The following MEIS1 variants were observed in gnomAD, a reference collection of about 807,000 sequenced individuals.
MEIS1 encodes Meis homeobox 1.
MEIS1 carries 5 observed loss-of-function variants against 50.8 expected under a neutral mutation model. The observed-to-expected ratio is 0.10, with a 90% CI of 0.05 to 0.21. MEIS1 has a LOEUF of 0.21. MEIS1 is among the 10% of genes least tolerant of loss of function. The pLI is 1.00. For missense variants in MEIS1, 318 were observed against 517.3 expected (o/e 0.61, Z 3.74); for synonymous variants, 176 against 179.3 (o/e 0.98, Z 0.15).
At chr2:66,552,083 T>C (rs1674935947) in intron 9 of MEIS1, among the ~76,000 whole-genome samples, 5 of 151,918 alleles carry the variant, frequency 3.3e-5, no homozygotes, top group Admixed American at 3.3e-4. Flanking sequence ...TTTTTTCTCC[T>C]GAATAGACCA....
chr2:66,452,642 C>A (rs1401005412), intron 6 of MEIS1, among the ~76,000 whole-genome samples: 3 of 151,874 alleles, frequency 2.0e-5, no homozygotes, highest in African/African-American at 7.2e-5. Context: ...TTAATATGTT[C>A]AAGAAAAAGA....
intron 7 of MEIS1, among the ~76,000 whole-genome samples, chr2:66,466,007 GT>G (rs1177778527): frequency 2.0e-5 from 3 of 151,886 alleles, no homozygotes; most frequent in Admixed American, 1.3e-4. Context: ...TTCTTTTTAT[GT>G]TTTATATTTG....
At chr2:66,471,030 C>T (rs72895105) in intron 7 of MEIS1, among the ~76,000 whole-genome samples, 24,101 of 152,108 alleles carry the variant, frequency 0.16, 4,574 homozygotes, top group African/African-American at 0.45. Flanking sequence ...TTCTTGATCA[C>T]TTTTAGAACA....
chr2:66,456,627 C>T (rs1182680229), intron 6 of MEIS1, among the ~76,000 whole-genome samples: 1 of 152,150 alleles, frequency 6.6e-6, no homozygotes, highest in African/African-American at 2.4e-5. Flanking sequence ...CATTTTATCA[C>T]AGCATTAAAA....
At chr2:66,478,421 T>C (rs150094441) in intron 7 of MEIS1, among the ~76,000 whole-genome samples, 17 of 152,320 alleles carry the variant, frequency 1.1e-4, no homozygotes, top group African/African-American at 4.1e-4. Context: ...ATATTTCAAA[T>C]GGAGGCTGTA....
At chr2:66,485,314 C>G (rs1289453699) in intron 7 of MEIS1, among the ~76,000 whole-genome samples, 2 of 152,096 alleles carry the variant, frequency 1.3e-5, no homozygotes, top group African/African-American at 4.8e-5. Context: ...CCCATATGTT[C>G]TCATTGTTCA....
At chr2:66,463,396 A>G (rs1672564660) in intron 6 of MEIS1, among the ~76,000 whole-genome samples, 1 of 152,122 alleles carries the variant, frequency 6.6e-6, no homozygotes, top group African/African-American at 2.4e-5. Flanking sequence ...AGGTGTCGCC[A>G]TGATTGTTTT....
At chr2:66,536,020 G>A (rs1674509315) in intron 8 of MEIS1, among the ~76,000 whole-genome samples, 1 of 152,106 alleles carries the variant, frequency 6.6e-6, no homozygotes, top group Non-Finnish European at 1.5e-5. Flanking sequence ...TTCAGATCTG[G>A]GTGCTCTGCT....
At chr2:66,480,574 G>C (rs940141707) in intron 7 of MEIS1, among the ~76,000 whole-genome samples, 6 of 152,156 alleles carry the variant, frequency 3.9e-5, no homozygotes, top group African/African-American at 1.4e-4. Context: ...AAAAAGATTT[G>C]ATCTTTTTGT....
Position 66,573,190 on chromosome 2 carries a change from T to C in MEIS1, c.*1982T>C, listed in dbSNP as rs1410305034. ...TTATAAATATGCTCTATGTTCTCAT[T>C]GGATAAAACTGGTTATTAACCAATT... On this transcript the variant is annotated 3_prime_UTR_variant, in exon 13 of 13. Coordinates refer to ENST00000272369, the MANE Select transcript of MEIS1 (RefSeq NM_002398.3). 6.6e-6 allele frequency: 1 copy of C among 152,206 alleles called. No individual in the cohort carries two copies. The highest frequency in any genetic ancestry group is 1.5e-5 in the Non-Finnish European group (1 of 68,038). 9.4% of individuals were successfully genotyped at this position (152,206 alleles called of 1,614,324 possible).
chr2:66,477,574 A>G (rs910607641), intron 7 of MEIS1, among the ~76,000 whole-genome samples: 4 of 152,182 alleles, frequency 2.6e-5, no homozygotes, highest in African/African-American at 9.7e-5. Context: ...TTTCCCTCAA[A>G]GAAGGCTCCG....
chr2:66,496,320 C>G (rs1251295439), intron 7 of MEIS1: 1 of 152,114 alleles, frequency 6.6e-6, no homozygotes, highest in African/African-American at 2.4e-5. Flanking sequence ...TTTGTGTTTC[C>G]GTATGCCTCC....
intron 9 of MEIS1, among the ~76,000 whole-genome samples, chr2:66,558,537 A>G (rs1354744583): frequency 6.6e-6 from 1 of 152,176 alleles, no homozygotes; most frequent in Admixed American, 6.5e-5. Flanking sequence ...ATTGACATAT[A>G]TTATTACATA....
chr2:66,545,776 A>G (rs1674775791), intron 8 of MEIS1, among the ~76,000 whole-genome samples: 1 of 152,226 alleles, frequency 6.6e-6, no homozygotes, highest in Non-Finnish European at 1.5e-5. Context: ...AATGGCTGGC[A>G]TTCTGTTGAG....
chr2:66,492,635 T>C (rs1192595517), intron 7 of MEIS1, among the ~76,000 whole-genome samples: 1 of 152,192 alleles, frequency 6.6e-6, no homozygotes. Context: ...GAGTTGAGTA[T>C]TCAGCTTGTT....
Position 66,501,063 on chromosome 2 carries a change from G to C in MEIS1, c.743-11086G>C, listed in dbSNP as rs111397575. 2.2e-3 allele frequency among the ~76,000 whole-genome samples: 339 copies of C among 152,114 alleles called. 5 individuals are homozygous for C. The highest frequency in any genetic ancestry group is 8.0e-3 in the African/African-American group (331 of 41,522). ...TTTCCTAAAATGATCTATTTTTGTG[G>C]TTATGTAGGAGTTTATGACCATTCA... is the stretch of plus-strand genomic sequence containing the variant. On this transcript the variant is annotated intron_variant, in intron 7 of 12. Coordinates refer to ENST00000272369, the MANE Select transcript of MEIS1 (RefSeq NM_002398.3).
intron 8 of MEIS1, among the ~76,000 whole-genome samples, chr2:66,527,677 CT>C (rs1674289543): frequency 6.7e-6 from 1 of 149,402 alleles, no homozygotes; most frequent in Non-Finnish European, 1.5e-5. Flanking sequence ...GCATTAGGGC[CT>C]TTATCTATGA....
At chr2:66,443,098 G>T in intron 6 of MEIS1, 50 bp downstream of exon 6, 1 of 1,539,348 alleles carries the variant, frequency 6.5e-7, no homozygotes, top group Non-Finnish European at 8.7e-7. Flanking sequence ...AAATCTGTAT[G>T]CATATTGCTT....
At chr2:66,436,354 A>G (rs1422006801) in intron 1 of MEIS1, among the ~76,000 whole-genome samples, 1 of 152,240 alleles carries the variant, frequency 6.6e-6, no homozygotes, top group African/African-American at 2.4e-5. Flanking sequence ...ATCTTTTTAT[A>G]GTAATTTCAA....
Sources: allele counts gnomAD v4.1 joint callset (sites outside exome capture counted in the v4.1 genomes callset), GRCh38; gene constraint gnomAD v4.1.1; transcripts MANE v1.5; gene names NCBI Gene and HGNC (gene_info 2026-07-23, HGNC 2026-07-21).